Variants in NT5E observed in about 807,000 individuals in gnomAD.
The protein encoded by NT5E is 5'-nucleotidase ecto, also known as 5'-nucleotidase.
A neutral mutation model predicts 55.1 loss-of-function variants in NT5E; 53 were observed. The observed-to-expected ratio is 0.96, with a 90% CI of 0.77 to 1.21. The LOEUF is 1.21. Among genes scored for constraint, NT5E ranks in the 50% most tolerant of loss-of-function variants. The pLI is 0.00. For synonymous variants in NT5E, 270 were observed against 278.4 expected (o/e 0.97, Z 0.30); for missense variants, 683 against 724.3 (o/e 0.94, Z 0.65).
chr6:85,455,749 G>A lies in NT5E; in HGVS notation c.339+5271G>A, dbSNP rs547300686. Among the ~76,000 whole-genome samples, 191 of 152,236 alleles carry A rather than the reference G, an allele frequency of 1.3e-3. 1 individual carries two copies. The highest frequency in any genetic ancestry group is 4.3e-3 in the African/African-American group (178 of 41,526). Reference sequence around the variant, plus strand: ...TGTAGGATTGAGCCCTTAACCTATGGGATCTGACAATGTCTTGAGATAGTA... The same window carrying A: ...TGTAGGATTGAGCCCTTAACCTATGAGATCTGACAATGTCTTGAGATAGTA... On this transcript the variant is annotated intron_variant, in intron 1 of 8. Coordinates refer to ENST00000257770, the MANE Select transcript of NT5E (RefSeq NM_002526.4).
chr6:85,488,358 T>C (rs1391879852), intron 5 of NT5E, among the ~76,000 whole-genome samples: 1 of 152,156 alleles, frequency 6.6e-6, no homozygotes, highest in Non-Finnish European at 1.5e-5. Flanking sequence ...ATGTTTGCCG[T>C]GTAAATGACA....
At chr6:85,492,605 G>A (rs75569343) in intron 8 of NT5E, among the ~76,000 whole-genome samples, 2,062 of 152,170 alleles carry the variant, frequency 0.014, 45 homozygotes, top group African/African-American at 0.048. Context: ...GGTGAGCGCC[G>A]CCCTTTCAGC....
At chr6:85,461,042 C>T (rs534045532) in intron 1 of NT5E, among the ~76,000 whole-genome samples, 4 of 152,318 alleles carry the variant, frequency 2.6e-5, no homozygotes, top group Admixed American at 2.0e-4. Flanking sequence ...CAGTCCCTCT[C>T]CCTGTTATTA....
chr6:85,483,717 A>G (rs1412261120), intron 3 of NT5E, among the ~76,000 whole-genome samples: 1 of 152,224 alleles, frequency 6.6e-6, no homozygotes, highest in African/African-American at 2.4e-5. Flanking sequence ...ACATAGGAGC[A>G]TGGCAGGATT....
intron 1 of NT5E, among the ~76,000 whole-genome samples, chr6:85,460,215 C>T (rs1309627010): frequency 6.6e-6 from 1 of 152,114 alleles, no homozygotes; most frequent in Non-Finnish European, 1.5e-5. Context: ...CTCCCCTAGC[C>T]CTTACCCTGT....
chr6:85,493,199 G>A (rs535849755), intron 8 of NT5E, among the ~76,000 whole-genome samples: 13 of 152,278 alleles, frequency 8.5e-5, no homozygotes, highest in East Asian at 1.9e-4. Flanking sequence ...TGGCTCGGCC[G>A]CAGCTCTTAA....
intron 4 of NT5E, among the ~76,000 whole-genome samples, chr6:85,485,857 G>A (rs916850243): frequency 1.3e-5 from 2 of 152,220 alleles, no homozygotes; most frequent in African/African-American, 4.8e-5. Context: ...TATCAAATGA[G>A]GGAGTACCTT....
intron 2 of NT5E, among the ~76,000 whole-genome samples, chr6:85,468,757 A>G (rs1315665609): frequency 6.6e-6 from 1 of 152,142 alleles, no homozygotes; most frequent in Non-Finnish European, 1.5e-5. Context: ...CTTCTTTAAA[A>G]GGCACCCATA....
At chr6:85,467,677 C>T (rs1223090237) in intron 2 of NT5E, among the ~76,000 whole-genome samples, 1 of 152,134 alleles carries the variant, frequency 6.6e-6, no homozygotes, top group African/African-American at 2.4e-5. Flanking sequence ...CCTTATTGCT[C>T]CTTTTCTAGG....
chr6:85,471,683 T>C (rs886234191), intron 3 of NT5E: 2 of 174,022 alleles, frequency 1.1e-5, no homozygotes, highest in Non-Finnish European at 2.4e-5. Context: ...ACATAAAATA[T>C]GTATAAAACA....
intron 3 of NT5E, among the ~76,000 whole-genome samples, chr6:85,480,087 G>A (rs1769515302): frequency 6.6e-6 from 1 of 152,104 alleles, no homozygotes; most frequent in African/African-American, 2.4e-5. Context: ...CCAAAATGCT[G>A]GGCACTCACT....
intron 3 of NT5E, 97 bp from the exon 4 acceptor site, chr6:85,485,138 A>G (rs902776912): frequency 1.7e-6 from 2 of 1,180,644 alleles, no homozygotes; most frequent in Non-Finnish European, 2.5e-6. Context: ...CAAATCATCA[A>G]TTTAAAACTC....
intron 1 of NT5E, among the ~76,000 whole-genome samples, chr6:85,454,203 G>A (rs1465259083): frequency 6.6e-6 from 1 of 152,218 alleles, no homozygotes. Flanking sequence ...CTCACCAGAT[G>A]ATTTCTACCC....
At position 85,489,377 on chromosome 6, in the gene NT5E, A is replaced by G. The variant is rs73481308; in HGVS notation, c.1105-117A>G. On this transcript the variant is annotated intron_variant, in intron 5 of 8. Transcript: ENST00000257770. ...AATTATAGTTGAGAGATCCCTGGGAACACAGCAGCAGGTGAAAAGCAGCTT... is the reference window on the plus strand; with the variant it reads ...AATTATAGTTGAGAGATCCCTGGGAGCACAGCAGCAGGTGAAAAGCAGCTT... 2,134 of 735,086 alleles carry G rather than the reference A, an allele frequency of 2.9e-3. 39 individuals carry two copies. The African/African-American group carries it at 0.033, about 11-fold the overall frequency. The allele number at this position is 735,086 out of a possible 1,614,324, so 45.5% of individuals were successfully genotyped here.
At position 85,490,665 on chromosome 6, in the gene NT5E, A is replaced by AC; in HGVS notation, c.1360+11dup. ...AGTTCCTGCAGGTGGGCGGTAAGTCACCCATCCTGTAGGGCTGGCCCATCC... is the reference window on the plus strand; with the variant it reads ...AGTTCCTGCAGGTGGGCGGTAAGTCACCCCATCCTGTAGGGCTGGCCCATCC... On this transcript the variant is annotated intron_variant, in intron 7 of 8. Transcript: ENST00000257770. 6.2e-7 allele frequency: 1 copy of AC among 1,613,514 alleles called. No homozygotes were observed. Among genetic ancestry groups the AC allele is most frequent in the South Asian group, 1.1e-5 (1 of 91,048 alleles).
At chr6:85,483,970 A>G (rs1488379104) in intron 3 of NT5E, among the ~76,000 whole-genome samples, 2 of 152,142 alleles carry the variant, frequency 1.3e-5, no homozygotes, top group African/African-American at 4.8e-5. Flanking sequence ...CTCATCACAT[A>G]CCAGCTGTGT....
At chr6:85,483,577 T>C (rs1302735473) in intron 3 of NT5E, among the ~76,000 whole-genome samples, 1 of 152,150 alleles carries the variant, frequency 6.6e-6, no homozygotes, top group African/African-American at 2.4e-5. Context: ...GACCTTTTTC[T>C]TTTTTTTCCC....
chr6:85,457,091 A>G (rs76639543), intron 1 of NT5E, among the ~76,000 whole-genome samples: 3,665 of 152,232 alleles, frequency 0.024, 161 homozygotes, highest in African/African-American at 0.084. Context: ...GCACCAGGCA[A>G]TGGGAGAGTC....
At chr6:85,457,170 C>A (rs1007100779) in intron 1 of NT5E, among the ~76,000 whole-genome samples, 4 of 152,188 alleles carry the variant, frequency 2.6e-5, no homozygotes, top group African/African-American at 9.7e-5. Context: ...CAGCTGAGGC[C>A]TGCTACCTCA....
Sources: allele counts gnomAD v4.1 joint callset (sites outside exome capture counted in the v4.1 genomes callset), GRCh38; gene constraint gnomAD v4.1.1; transcripts MANE v1.5; gene names NCBI Gene and HGNC (gene_info 2026-07-23, HGNC 2026-07-21).